HTT: variants seen among roughly 807,000 people sequenced by gnomAD.
The protein encoded by HTT is huntingtin, also known as huntington disease protein.
In HTT, 104 loss-of-function variants were observed where a neutral mutation model predicts 362.3. The ratio of observed to expected loss-of-function variants is 0.29; its 90% confidence interval spans 0.24 to 0.34. The LOEUF (loss-of-function observed/expected upper bound fraction) is 0.34. HTT is among the 10% of genes least tolerant of loss of function. The probability of loss-of-function intolerance (pLI) is 1.00; values close to 1 mark genes in which losing one functional copy is unlikely to be tolerated. For missense variants in HTT, 3,301 were observed against 3,928.6 expected, an observed-to-expected ratio of 0.84 and a Z score of 4.27; for synonymous variants, 1,577 against 1,548.7, an observed-to-expected ratio of 1.02 and a Z score of -0.43.
intron 1 of HTT, among the ~76,000 whole-genome samples, chr4:3,078,816 G>GCTCCGCTTCCCGAGTTCACGCCATTCTC (rs1712714421): frequency 6.6e-6 from 1 of 151,392 alleles, no homozygotes; most frequent in African/African-American, 2.4e-5. Context: ...CTCACTGCAA[G>GCTCCGCTTCCCGAGTTCACGCCATTCTC]CTCCGCTTCC....
intron 40 of HTT, among the ~76,000 whole-genome samples, chr4:3,194,163 A>C (rs1460752297): frequency 2.0e-5 from 3 of 152,214 alleles, no homozygotes. Context: ...ATAAACCGAA[A>C]ATGAAGACCT....
rs73792378 is a variant in HTT, at chr4:3,240,247, G to A, written c.*188G>A. On this transcript the variant is annotated 3_prime_UTR_variant, in exon 67 of 67. Transcript: ENST00000355072. ...GCTCTTTGTGGCAGTGGCCAGGCAGGGAGTGTCTGCAGTCCTGGTGGGGCT... is the reference window on the plus strand; with the variant it reads ...GCTCTTTGTGGCAGTGGCCAGGCAGAGAGTGTCTGCAGTCCTGGTGGGGCT... 2,859 of 613,174 alleles carry A rather than the reference G, an allele frequency of 4.7e-3. 64 individuals are homozygous for A. The African/African-American group carries it at 0.048, about 10-fold the overall frequency. 38.0% of individuals were successfully genotyped at this position (613,174 alleles called of 1,614,324 possible).
intron 6 of HTT, among the ~76,000 whole-genome samples, chr4:3,114,782 A>G (rs1345565201): frequency 2.0e-5 from 3 of 152,204 alleles, no homozygotes; most frequent in South Asian, 2.1e-4. Flanking sequence ...CTAGAGGCCC[A>G]TGAGAAAGTA....
At chr4:3,094,321 A>G (rs1713700557) in intron 2 of HTT, among the ~76,000 whole-genome samples, 1 of 152,220 alleles carries the variant, frequency 6.6e-6, no homozygotes, top group Non-Finnish European at 1.5e-5. Flanking sequence ...ACTTCTTTCT[A>G]CGCAGACACA....
At position 3,185,137 on chromosome 4, in the gene HTT, A is replaced by G. The variant is rs149481207; in HGVS notation, c.4867-1460A>G. On this transcript the variant is annotated intron_variant, in intron 37 of 66. Transcript: ENST00000355072. ...TTTTACTTGAAGAGGGAACGGAGAAATAGGGCAGTAGCCAGAGGAGGAGAG... is the reference window on the plus strand; with the variant it reads ...TTTTACTTGAAGAGGGAACGGAGAAGTAGGGCAGTAGCCAGAGGAGGAGAG... Among the ~76,000 whole-genome samples, 253 of 152,278 alleles carry G rather than the reference A, an allele frequency of 1.7e-3. 2 individuals carry two copies. The highest frequency in any genetic ancestry group is 3.0e-3 in the Admixed American group (46 of 15,296).
chr4:3,211,065 G>A (rs1325128210), intron 47 of HTT, among the ~76,000 whole-genome samples: 3 of 151,890 alleles, frequency 2.0e-5, no homozygotes, highest in South Asian at 2.1e-4. Context: ...CACCACGCCC[G>A]GCTAATTTTT....
rs780039774 is a variant in HTT, at chr4:3,239,842, C to T, written c.9216-4C>T. 6.4e-7 allele frequency: 1 copy of T among 1,553,474 alleles called. No individual in the cohort carries two copies. Among genetic ancestry groups the T allele is most frequent in the South Asian group, 1.2e-5 (1 of 84,174 alleles). On this transcript the variant is annotated splice_polypyrimidine_tract_variant and splice_region_variant and intron_variant, in intron 66 of 66. Transcript: ENST00000355072. ...CCGGCCTTTTTCCTTAACTCCTGCACCAGCCTCCCACATGTCATCAGCAGG... is the reference window on the plus strand; with the variant it reads ...CCGGCCTTTTTCCTTAACTCCTGCATCAGCCTCCCACATGTCATCAGCAGG...
chr4:3,105,286 C>G, intron 4 of HTT, 71 bp from the exon 5 acceptor site: 2 of 1,011,260 alleles, frequency 2.0e-6, no homozygotes, highest in South Asian at 1.3e-5. Flanking sequence ...AAAGAAAATG[C>G]TTCGTTTCTA....
intron 23 of HTT, among the ~76,000 whole-genome samples, chr4:3,144,466 T>C (rs61792531): frequency 0.072 from 10,910 of 152,098 alleles, 554 homozygotes; most frequent in African/African-American, 0.15. Context: ...TACAGGCGTG[T>C]GGCACCACAC....
rs1721391958 is a variant in HTT, at chr4:3,233,931, G to T, written c.8456+578G>T. Among the ~76,000 whole-genome samples, 3 of 152,364 alleles carry T rather than the reference G, an allele frequency of 2.0e-5. No individual in the cohort carries two copies. In the South Asian group the frequency reaches 6.2e-4, roughly 32 times the overall value. ...CCGCCACTCTTCCAAAGTCGCAGAGGCTTTAGCAGAGATGGGCCCAGCCTC... is the reference window on the plus strand; with the variant it reads ...CCGCCACTCTTCCAAAGTCGCAGAGTCTTTAGCAGAGATGGGCCCAGCCTC... On this transcript the variant is annotated intron_variant, in intron 61 of 66. Coordinates refer to ENST00000355072, the MANE Select transcript of HTT (RefSeq NM_001388492.1).
In HTT at chr4:3,215,569, C is replaced by T. The variant is rs113522880; in HGVS notation, c.7054+358C>T. 1.3e-3 allele frequency among the ~76,000 whole-genome samples: 201 copies of T among 152,210 alleles called. 1 individual carries two copies. Among genetic ancestry groups the T allele is most frequent in the African/African-American group, 4.7e-3 (196 of 41,526 alleles). ...CTTTGTGTTCTCAGAAATTAATGCT[C>T]GGCCTCTGGTCAGCAAGCAACAACC... On this transcript the variant is annotated intron_variant, in intron 51 of 66. Transcript: ENST00000355072.
At chr4:3,084,625 G>T (rs1476338007) in intron 1 of HTT, among the ~76,000 whole-genome samples, 1 of 151,824 alleles carries the variant, frequency 6.6e-6, no homozygotes, top group Non-Finnish European at 1.5e-5. Context: ...GAGGGGCAGA[G>T]GTTGCAGTGA....
chr4:3,145,092 A>T (rs1008982205), intron 23 of HTT, 60 bp from the exon 24 acceptor site: 30 of 1,183,166 alleles, frequency 2.5e-5, no homozygotes, highest in Non-Finnish European at 3.6e-5. Context: ...GTAACAGGAG[A>T]TATAATTCAA....
intron 1 of HTT, among the ~76,000 whole-genome samples, chr4:3,076,731 A>G (rs181101662): frequency 6.6e-6 from 1 of 152,344 alleles, no homozygotes; most frequent in African/African-American, 2.4e-5. Flanking sequence ...TGATCATTCT[A>G]AAAATATGCC....
intron 2 of HTT, among the ~76,000 whole-genome samples, chr4:3,089,083 T>G (rs989130492): frequency 5.3e-5 from 8 of 152,256 alleles, no homozygotes; most frequent in Non-Finnish European, 1.2e-4. Flanking sequence ...GTAACGTGTT[T>G]GAGCCTTACT....
chr4:3,148,432 A>C (rs978586658), intron 26 of HTT, among the ~76,000 whole-genome samples: 1 of 152,120 alleles, frequency 6.6e-6, no homozygotes, highest in African/African-American at 2.4e-5. Context: ...CAAGTGGATC[A>C]CTTGAGGCCA....
chr4:3,225,342 G>T (rs1578606317), intron 56 of HTT, among the ~76,000 whole-genome samples: 1 of 152,212 alleles, frequency 6.6e-6, no homozygotes, highest in African/African-American at 2.4e-5. Flanking sequence ...CTAAGCTTTT[G>T]CAGCTCAGCC....
chr4:3,160,809 C>T (rs1717403326), intron 29 of HTT, among the ~76,000 whole-genome samples: 1 of 152,100 alleles, frequency 6.6e-6, no homozygotes, highest in Non-Finnish European at 1.5e-5. Context: ...TATTCTCTGA[C>T]ACAGATAGTC....
intron 2 of HTT, among the ~76,000 whole-genome samples, chr4:3,095,127 CG>C (rs1713778672): frequency 6.6e-6 from 1 of 152,212 alleles, no homozygotes; most frequent in South Asian, 2.1e-4. Flanking sequence ...GACGGGGTGG[CG>C]GCTGGGCAGA....
Sources: gnomAD v4.1 joint callset for allele counts (sites outside exome capture counted in the v4.1 genomes callset) on GRCh38, gnomAD v4.1.1 for gene constraint, MANE v1.5 for transcripts, NCBI Gene and HGNC (gene_info 2026-07-23, HGNC 2026-07-21) for gene names.